TPGS1: variants seen among roughly 807,000 people sequenced by gnomAD.
The protein encoded by TPGS1 is tubulin polyglutamylase complex subunit 1, also known as gene trap ROSA b-geo 22.
TPGS1 carries 18 observed loss-of-function variants against 11.9 expected under a neutral mutation model. That is an observed-to-expected ratio of 1.51 (90% CI 1.04 to 2.24). TPGS1 has a LOEUF of 2.24. Ranked by LOEUF, TPGS1 falls within the 30% of genes most tolerant of loss-of-function variation. TPGS1 has a pLI of 0.00. For missense variants in TPGS1, 500 were observed against 443.0 expected (o/e 1.13, Z -1.16); for synonymous variants, 247 against 218.2 (o/e 1.13, Z -1.16).
chr19:511,608 G>A (rs530581605), intron 1 of TPGS1, among the ~76,000 whole-genome samples: 5 of 152,268 alleles, frequency 3.3e-5, no homozygotes, highest in East Asian at 1.9e-4. Context: ...AGGGGCAGAC[G>A]AACACCCGAG....
At chr19:508,442 T>C (rs1978691358) in intron 1 of TPGS1, 1 of 152,166 alleles carries the variant, frequency 6.6e-6, no homozygotes, top group Non-Finnish European at 1.5e-5. Flanking sequence ...GGAATTTGGC[T>C]GAAGCATGCG....
intron 1 of TPGS1, among the ~76,000 whole-genome samples, chr19:513,945 C>G (rs568586599): frequency 6.6e-6 from 1 of 150,916 alleles, no homozygotes; most frequent in South Asian, 2.1e-4. Context: ...TACTGAGCAC[C>G]TGCTGCACAC....
chr19:513,690 T>A (rs1978869576), intron 1 of TPGS1, among the ~76,000 whole-genome samples: 4 of 141,992 alleles, frequency 2.8e-5, no homozygotes, highest in Admixed American at 2.8e-4. Context: ...GAGTACCTAC[T>A]GCACACCAGC....
intron 1 of TPGS1, chr19:508,899 A>G (rs1034832817): frequency 6.6e-6 from 1 of 152,546 alleles, no homozygotes; most frequent in Non-Finnish European, 1.5e-5. Context: ...CCGGTGGCCC[A>G]GTGGCTCTGA....
chr19:516,172 G>A (rs1403028117), intron 1 of TPGS1, among the ~76,000 whole-genome samples: 7 of 152,222 alleles, frequency 4.6e-5, no homozygotes, highest in Non-Finnish European at 8.8e-5. Flanking sequence ...TCCTGGTGTT[G>A]TGGGACAAAG....
At chr19:517,908 A>C (rs1979009860) in intron 1 of TPGS1, among the ~76,000 whole-genome samples, 1 of 72,570 alleles carries the variant, frequency 1.4e-5, no homozygotes, top group Non-Finnish European at 2.6e-5. Context: ...GAGGAGGCCC[A>C]GGCTGGGTAG....
chr19:507,512 G>A lies in TPGS1; in HGVS notation c.6G>A (p.Ala2=), dbSNP rs1399262093. The A allele has an allele frequency of 1.4e-6, 2 of 1,417,722 alleles. No homozygotes were observed. The highest frequency in any genetic ancestry group is 1.8e-6 in the Non-Finnish European group (2 of 1,081,714). The allele number at this position is 1,417,722 out of a possible 1,614,324, so 87.8% of individuals were successfully genotyped here. The change falls in exon 1 of 2, where the codon GCG becomes GCA. Residue 2 remains alanine, a synonymous_variant. Coordinates refer to ENST00000359315, the MANE Select transcript of TPGS1 (RefSeq NM_033513.3). ...TCCCGCTGCCCTCAGCGAAGATGGC[G>A]GCAGTGGAGAAGCGGCGGCAAGCGG... M[A]AVEKRRQAVP...
In TPGS1 at chr19:519,596, G is replaced by A; in HGVS notation, c.*173G>A. The A allele has an allele frequency of 6.5e-6, 3 of 460,982 alleles. No homozygotes were observed. Among genetic ancestry groups the A allele is most frequent in the Non-Finnish European group, 9.8e-6 (3 of 306,184 alleles). The allele number at this position is 460,982 out of a possible 1,614,324, so 28.6% of individuals were successfully genotyped here. ...CCGGTCCCCACACAGCGCCGCGGCC[G>A]CCCCTCCACCCCCGCGGGAGCCCCT... On this transcript the variant is annotated 3_prime_UTR_variant, in exon 2 of 2. Coordinates refer to ENST00000359315, the MANE Select transcript of TPGS1 (RefSeq NM_033513.3).
chr19:516,853 G>A (rs1055072045), intron 1 of TPGS1, among the ~76,000 whole-genome samples: 1 of 152,166 alleles, frequency 6.6e-6, no homozygotes, highest in Non-Finnish European at 1.5e-5. Context: ...GAGAAGACAG[G>A]CTGTTAACAT....
At chr19:514,809 TGGG>T (rs151103060) in intron 1 of TPGS1, among the ~76,000 whole-genome samples, 9 of 152,102 alleles carry the variant, frequency 5.9e-5, no homozygotes, top group African/African-American at 2.2e-4. Flanking sequence ...CGGGAACTGA[TGGG>T]GGGAGTGAGG....
At chr19:513,087 T>A (rs1258268349) in intron 1 of TPGS1, among the ~76,000 whole-genome samples, 1 of 151,978 alleles carries the variant, frequency 6.6e-6, no homozygotes, top group Non-Finnish European at 1.5e-5. Flanking sequence ...GCTTGTTGGT[T>A]TTGGGCCTCT....
At position 507,864 on chromosome 19, in the gene TPGS1, G is replaced by C; in HGVS notation, c.338+20G>C. On this transcript the variant is annotated intron_variant, in intron 1 of 1. Coordinates refer to ENST00000359315, the MANE Select transcript of TPGS1 (RefSeq NM_033513.3). ...CCAGAGGTGCGCAGTGGGCCGGCTT[G>C]GGCGGGTGGGGCAGCGATGGACTTC... 1 of 1,311,702 alleles carries C rather than the reference G, an allele frequency of 7.6e-7. No homozygotes were observed. Among genetic ancestry groups the C allele is most frequent in the Non-Finnish European group, 9.7e-7 (1 of 1,029,924 alleles). The allele number at this position is 1,311,702 out of a possible 1,614,324, so 81.3% of individuals were successfully genotyped here. A position where few individuals can be genotyped will look rare whatever the true frequency, so the allele number is the denominator to read the frequency against.
rs1486610460 is a variant in TPGS1 at position 507,579 on chromosome 19, G to C, written c.73G>C (p.Val25Leu). Reference sequence around the variant, plus strand: ...TTTCACGGACAGCGGCCGCCAGTCGGTATCCCGGGCGGCGGGGGCGGCCGA... The same window carrying C: ...TTTCACGGACAGCGGCCGCCAGTCGCTATCCCGGGCGGCGGGGGCGGCCGA... ...AGFTDSGRQS[V>L]SRAAGAAESE... The change falls in exon 1 of 2, where the codon GTA becomes CTA. Residue 25 changes from valine (V) to leucine (L), a missense_variant. Physicochemically the swap from Val to Leu is conservative, Grantham distance 32. Transcript: ENST00000359315. The C allele has an allele frequency of 7.2e-7, 1 of 1,396,984 alleles. No homozygotes were observed. The highest frequency in any genetic ancestry group is 1.5e-5 in the African/African-American group (1 of 66,624). The allele number at this position is 1,396,984 out of a possible 1,614,324, so 86.5% of individuals were successfully genotyped here.
chr19:510,182 G>T (rs986121622), intron 1 of TPGS1: 1 of 152,004 alleles, frequency 6.6e-6, no homozygotes, highest in African/African-American at 2.4e-5. Context: ...GACCATCCTG[G>T]CTAACACGGT....
chr19:514,085 CCTA>C (rs1978884689), intron 1 of TPGS1, among the ~76,000 whole-genome samples: 1 of 151,950 alleles, frequency 6.6e-6, no homozygotes, highest in South Asian at 2.1e-4. Context: ...TTGCTGAGCA[CCTA>C]CTATGTACCA....
rs934980189 is a variant in TPGS1 at position 519,112 on chromosome 19, T to A, written c.562T>A (p.Cys188Ser). ...LSVFRAGTLT[C>S]FVLLEFVARA... ...CGTCTTCCGCGCGGGCACACTCACC[T>A]GCTTCGTGCTGCTGGAGTTCGTGGC... The change falls in exon 2 of 2, where the codon TGC (cysteine) becomes AGC (serine). Residue 188 changes from cysteine to serine, a missense_variant. Physicochemically the swap from Cys to Ser is moderately radical, Grantham distance 112. Coordinates refer to ENST00000359315, the MANE Select transcript of TPGS1 (RefSeq NM_033513.3). The A allele has an allele frequency of 6.9e-5, 106 of 1,529,424 alleles. 5 individuals carry two copies. The highest frequency in any genetic ancestry group is 8.7e-6 in the Non-Finnish European group (10 of 1,145,006). The allele number at this position is 1,529,424 out of a possible 1,614,324, so 94.7% of individuals were successfully genotyped here. A position where few individuals can be genotyped will look rare whatever the true frequency, so the allele number is the denominator to read the frequency against.
rs1166655491 is a variant in TPGS1, at chr19:519,289, T to C, written c.739T>C (p.Leu247=). The part of the protein sequence containing the change: ...PARFLEAGSR[L]GPDSLALALD... Reference sequence around the variant, plus strand: ...GCGCTTCCTGGAGGCCGGCTCGCGCTTGGGGCCCGACAGCCTGGCGCTGGC... The same window carrying C: ...GCGCTTCCTGGAGGCCGGCTCGCGCCTGGGGCCCGACAGCCTGGCGCTGGC... Residue 247 remains leucine (L), a synonymous_variant, in exon 2 of 2, where the codon TTG becomes CTG. Coordinates refer to ENST00000359315, the MANE Select transcript of TPGS1 (RefSeq NM_033513.3). 49 of 1,190,844 alleles carry C rather than the reference T, an allele frequency of 4.1e-5. No homozygotes were observed. In the Admixed American group the frequency reaches 1.3e-3, roughly 31 times the overall value. The allele number at this position is 1,190,844 out of a possible 1,614,324, so 73.8% of individuals were successfully genotyped here. A position where few individuals can be genotyped will look rare whatever the true frequency, so the allele number is the denominator to read the frequency against.
intron 1 of TPGS1, among the ~76,000 whole-genome samples, chr19:517,288 C>A (rs1978980837): frequency 7.0e-6 from 1 of 142,560 alleles, no homozygotes; most frequent in African/African-American, 2.7e-5. Context: ...AAGGCAGTGT[C>A]ACGGCCCTTG....
rs552616925 is a variant in TPGS1 at position 519,297 on chromosome 19, C to G, written c.747C>G (p.Pro249=). 1.2e-5 allele frequency: 14 copies of G among 1,188,780 alleles called. No homozygotes were observed. Among genetic ancestry groups the G allele is most frequent in the Admixed American group, 4.5e-5 (1 of 22,160 alleles). The allele number at this position is 1,188,780 out of a possible 1,614,324, so 73.6% of individuals were successfully genotyped here. A position where few individuals can be genotyped will look rare whatever the true frequency, so the allele number is the denominator to read the frequency against. The stretch of plus-strand genomic sequence containing the variant: ...TGGAGGCCGGCTCGCGCTTGGGGCC[C>G]GACAGCCTGGCGCTGGCGCTGGACC... ...RFLEAGSRLG[P]DSLALALDRA... is the part of the protein sequence containing the mutation. Residue 249 remains proline (P), a synonymous_variant, in exon 2 of 2, where the codon CCC becomes CCG. Transcript: ENST00000359315.
Sources: gnomAD v4.1 joint callset for allele counts (sites outside exome capture counted in the v4.1 genomes callset) on GRCh38, gnomAD v4.1.1 for gene constraint, MANE v1.5 for transcripts, NCBI Gene and HGNC (gene_info 2026-07-23, HGNC 2026-07-21) for gene names.